The following MAN2C1 variants were observed in gnomAD, a reference collection of about 807,000 sequenced individuals.
The protein encoded by MAN2C1 is mannosidase alpha class 2C member 1.
MAN2C1 carries 111 observed loss-of-function variants against 126.9 expected under a neutral mutation model. The observed-to-expected ratio is 0.87, with a 90% CI of 0.75 to 1.02. The LOEUF (loss-of-function observed/expected upper bound fraction) is 1.02. MAN2C1 is among the 50% of genes least tolerant of loss of function. The probability of loss-of-function intolerance (pLI) is 0.00; values close to 1 mark genes in which losing one functional copy is unlikely to be tolerated. For missense variants in MAN2C1, 1,363 were observed against 1,364.4 expected (o/e 1.00, Z 0.02); for synonymous variants, 567 against 561.5 (o/e 1.01, Z -0.14).
rs377590568 is a variant in MAN2C1, at chr15:75,356,052, A to G, written c.2997-20T>C. On this transcript the variant is annotated intron_variant, in intron 25 of 25. Transcript: ENST00000267978. The surrounding 1 kb of genome is among the most constrained non-coding windows in gnomAD (Gnocchi z 5.8). ...TCGCAGCTGGAGAACAGGAGGGGCCATGAAGGCTCTGCGAGGGCGAGACTC... is the reference window on the plus strand; with the variant it reads ...TCGCAGCTGGAGAACAGGAGGGGCCGTGAAGGCTCTGCGAGGGCGAGACTC... 6.8e-6 allele frequency: 11 copies of G among 1,613,772 alleles called. No homozygotes were observed. Among genetic ancestry groups the G allele is most frequent in the Non-Finnish European group, 9.3e-6 (11 of 1,179,906 alleles).
Position 75,364,595 on chromosome 15 carries a change from G to C in MAN2C1, c.493C>G (p.Pro165Ala). ...AGCTGGAACATCTTCTCAGGGTCAGGGGCTGCAATCATGCTTCCCTTCCCG... is the reference window on the plus strand; with the variant it reads ...AGCTGGAACATCTTCTCAGGGTCAGCGGCTGCAATCATGCTTCCCTTCCCG... ...GAGKGSMIAA[P>A]DPEKMFQLSR... is the part of the protein sequence containing the mutation. The change falls in exon 5 of 26, where the codon CCT becomes GCT. Residue 165 changes from proline to alanine, a missense_variant. By Grantham distance (27) the Pro-to-Ala change is conservative. Around this residue, in one of 3 missense-constraint regions of MAN2C1, gnomAD observed 628 missense variants for 609.8 expected, o/e 1.03. Coordinates refer to ENST00000267978, the MANE Select transcript of MAN2C1 (RefSeq NM_006715.4). The C allele has an allele frequency of 6.2e-7, 1 of 1,613,578 alleles. No individual in the cohort carries two copies. Among genetic ancestry groups the C allele is most frequent in the Non-Finnish European group, 8.5e-7 (1 of 1,179,780 alleles).
chr15:75,358,512 G>A lies in MAN2C1; in HGVS notation c.2353C>T (p.Gln785Ter). Residue 785 changes from glutamine to a stop codon, truncating the protein, a stop_gained, in exon 20 of 26, where the codon CAG becomes TAG. Coordinates refer to ENST00000267978, the MANE Select transcript of MAN2C1 (RefSeq NM_006715.4). LOFTEE classifies it high-confidence loss of function. ...LQISPNSRLSQEVVLDVGCPY... is the reference protein window; with the variant it reads ...LQISPNSRLS ...CAGCCAACGTCCAGCACAACCTCCT[G>A]GCTAAGCCGACTGTTGGGGCTGATC... 1 of 1,613,512 alleles carries A rather than the reference G, an allele frequency of 6.2e-7. No homozygotes were observed.
chr15:75,356,238 G>A lies in MAN2C1; in HGVS notation c.2887-19C>T. On this transcript the variant is annotated intron_variant, in intron 24 of 25. Coordinates refer to ENST00000267978, the MANE Select transcript of MAN2C1 (RefSeq NM_006715.4). This position sits in a 1 kb window ranked among gnomAD's most constrained non-coding sequence, Gnocchi z 5.8. ...TCTCCGCCTGCAGAGGAACACGTCT[G>A]GTGGGAGGGGCCGAGGGCAGGCCCA... 1.2e-6 allele frequency: 2 copies of A among 1,612,782 alleles called. No individual in the cohort carries two copies. The highest frequency in any genetic ancestry group is 1.7e-6 in the Non-Finnish European group (2 of 1,179,670).
rs374209607 is a variant in MAN2C1, at chr15:75,358,379, G to C, written c.2404-35C>G. ...GGAAGGAGGGTGGGAGTCAGGGAAG[G>C]AAGAGACACACCAAGGCCTGGGGCT... On this transcript the variant is annotated intron_variant, in intron 20 of 25. Coordinates refer to ENST00000267978, the MANE Select transcript of MAN2C1 (RefSeq NM_006715.4). The C allele has an allele frequency of 9.3e-6, 15 of 1,613,860 alleles. No individual in the cohort carries two copies. In the African/African-American group the frequency reaches 2.0e-4, roughly 22 times the overall value.
At chr15:75,368,255 G>T in intron 1 of MAN2C1, 57 bp from the exon 2 acceptor site, 1 of 1,538,322 alleles carries the variant, frequency 6.5e-7, no homozygotes. Flanking sequence ...CCGCCTGGGG[G>T]CCAGCTGGCC....
At position 75,366,410 on chromosome 15, in the gene MAN2C1, G is replaced by A. The variant is rs971819975; in HGVS notation, c.422+112C>T. The stretch of plus-strand genomic sequence containing the variant: ...AAAGCAAACAATGAGATGTGAGGAT[G>A]ATTGTGCTAGAGCAGAGGCGGGCTT... On this transcript the variant is annotated intron_variant, in intron 4 of 25. Transcript: ENST00000267978. 11 of 819,858 alleles carry A rather than the reference G, an allele frequency of 1.3e-5. No individual in the cohort carries two copies. The African/African-American group carries it at 1.9e-4, about 14-fold the overall frequency. The allele number at this position is 819,858 out of a possible 1,614,324, so 50.8% of individuals were successfully genotyped here.
At position 75,359,892 on chromosome 15, in the gene MAN2C1, G is replaced by T. The variant is rs371044689; in HGVS notation, c.1792+11C>A. The stretch of plus-strand genomic sequence containing the variant: ...GTTGGAGAGAGCAGGCAGGACTATT[G>T]TGAGCCTAACCTTCATAATGGCACA... On this transcript the variant is annotated intron_variant, in intron 15 of 25. Coordinates refer to ENST00000267978, the MANE Select transcript of MAN2C1 (RefSeq NM_006715.4). 6 of 1,611,672 alleles carry T rather than the reference G, an allele frequency of 3.7e-6. No homozygotes were observed. The highest frequency in any genetic ancestry group is 1.6e-4 in the Middle Eastern group (1 of 6,080).
At chr15:75,358,905 A>G (rs2072404103) in intron 18 of MAN2C1, 97 bp from the exon 19 acceptor site, 1 of 1,358,064 alleles carries the variant, frequency 7.4e-7, no homozygotes, top group Non-Finnish European at 1.0e-6. Flanking sequence ...CCCAGTGGAC[A>G]GGGGACTACT....
At chr15:75,365,182 A>C (rs1253383223) in intron 4 of MAN2C1, among the ~76,000 whole-genome samples, 1 of 152,186 alleles carries the variant, frequency 6.6e-6, no homozygotes, top group African/African-American at 2.4e-5. Context: ...CAAATTCCTC[A>C]GTGGAGTACC....
chr15:75,359,238 C>T, intron 17 of MAN2C1, 85 bp from the exon 18 acceptor site: 1 of 1,590,920 alleles, frequency 6.3e-7, no homozygotes. Flanking sequence ...CCCCGCCTCA[C>T]CACTTGCTCC....
rs1013463970 is a variant in MAN2C1, at chr15:75,361,214, G to A, written c.1315-23C>T. Reference sequence around the variant, plus strand: ...CACCTAGACAGGTGAGGGCAGGCCAGCATGGATCAGCCTGGAACAAGCCAG... The same window carrying A: ...CACCTAGACAGGTGAGGGCAGGCCAACATGGATCAGCCTGGAACAAGCCAG... On this transcript the variant is annotated intron_variant, in intron 11 of 25. Transcript: ENST00000267978. The surrounding 1 kb of genome is among the most constrained non-coding windows in gnomAD (Gnocchi z 5.0). 1.2e-6 allele frequency: 2 copies of A among 1,606,940 alleles called. No homozygotes were observed. The highest frequency in any genetic ancestry group is 1.3e-5 in the African/African-American group (1 of 75,006).
At chr15:75,360,783 G>A (rs1334605338) in intron 12 of MAN2C1, 95 bp from the exon 13 acceptor site, 8 of 1,503,852 alleles carry the variant, frequency 5.3e-6, no homozygotes, top group Non-Finnish European at 7.2e-6. Context: ...CCTACAGAGA[G>A]GAGCCACTCC....
chr15:75,356,519 G>A lies in MAN2C1; in HGVS notation c.2738-70C>T. The A allele has an allele frequency of 6.4e-7, 1 of 1,556,994 alleles. No homozygotes were observed. The highest frequency in any genetic ancestry group is 8.7e-7 in the Non-Finnish European group (1 of 1,149,720). ...CCCTCCCCTGTCCCTAGAAGGGGCA[G>A]GAAGCCAGGTTGCTGGGGTTTGGGC... On this transcript the variant is annotated intron_variant, in intron 23 of 25. Coordinates refer to ENST00000267978, the MANE Select transcript of MAN2C1 (RefSeq NM_006715.4). This position sits in a 1 kb window ranked among gnomAD's most constrained non-coding sequence, Gnocchi z 5.8.
Position 75,358,293 on chromosome 15 carries a change from C to T in MAN2C1, c.2455G>A (p.Val819Met), listed in dbSNP as rs150703780. The T allele has an allele frequency of 1.7e-5, 27 of 1,614,010 alleles. No individual in the cohort carries two copies. The highest frequency in any genetic ancestry group is 2.0e-5 in the Non-Finnish European group (24 of 1,180,040). ...TCATAGGTGGCCTGGGAACTCCGCA[C>T]GCGAGCAGGGAACTCCACCTTCAGG... is the stretch of plus-strand genomic sequence containing the variant. ...KFLKVEFPAR[V>M]RSSQATYEIQ... The change falls in exon 21 of 26, where the codon GTG (valine) becomes ATG (methionine). Residue 819 changes from valine (V) to methionine (M), a missense_variant. Physicochemically the swap from Val to Met is conservative, Grantham distance 21 (BLOSUM62 1). This residue lies in a region of MAN2C1 where 668 missense variants were observed against 650.1 expected (regional missense o/e 1.03). Transcript: ENST00000267978.
chr15:75,360,139 G>T lies in MAN2C1; in HGVS notation c.1657C>A (p.Arg553Ser), dbSNP rs368392975. 1 of 1,613,706 alleles carries T rather than the reference G, an allele frequency of 6.2e-7. No homozygotes were observed. The highest frequency in any genetic ancestry group is 1.7e-5 in the Admixed American group (1 of 60,022). ...VELLSSLALA[R>S]SAQFLYPAAQ... is the part of the protein sequence containing the mutation. The stretch of plus-strand genomic sequence containing the variant: ...GCTGGGTATAGGAACTGGGCACTGC[G>T]GGCCAGGGCCAGGCTACTGAGCAGC... The change falls in exon 14 of 26, where the codon CGC (arginine) becomes AGC (serine). Residue 553 changes from arginine to serine, a missense_variant. Around this residue, in one of 3 missense-constraint regions of MAN2C1, gnomAD observed 668 missense variants for 650.1 expected, o/e 1.03. Coordinates refer to ENST00000267978, the MANE Select transcript of MAN2C1 (RefSeq NM_006715.4).
intron 2 of MAN2C1, 113 bp downstream of exon 2, chr15:75,367,960 T>C: frequency 4.4e-6 from 6 of 1,358,482 alleles, no homozygotes; most frequent in Non-Finnish European, 5.9e-6. Context: ...AGGGTGCTGC[T>C]CGATCCCACG....
In MAN2C1 at chr15:75,355,806, A is replaced by G; in HGVS notation, c.*100T>C. On this transcript the variant is annotated 3_prime_UTR_variant, in exon 26 of 26. Coordinates refer to ENST00000267978, the MANE Select transcript of MAN2C1 (RefSeq NM_006715.4). Reference sequence around the variant, plus strand: ...GAGCAGCAGGGTTCCCGATCCAAGGATTTATTCCACAAGAAAAGACTGATC... The same window carrying G: ...GAGCAGCAGGGTTCCCGATCCAAGGGTTTATTCCACAAGAAAAGACTGATC... The G allele has an allele frequency of 1.5e-6, 2 of 1,349,960 alleles. No homozygotes were observed. The highest frequency in any genetic ancestry group is 2.0e-6 in the Non-Finnish European group (2 of 997,468). 83.6% of individuals were successfully genotyped at this position (1,349,960 alleles called of 1,614,324 possible). A position where few individuals can be genotyped will look rare whatever the true frequency, so the allele number is the denominator to read the frequency against.
In MAN2C1 at chr15:75,356,531, G is replaced by A; in HGVS notation, c.2737+75C>T. The A allele has an allele frequency of 6.4e-7, 1 of 1,552,086 alleles. No homozygotes were observed. Among genetic ancestry groups the A allele is most frequent in the Non-Finnish European group, 8.7e-7 (1 of 1,146,478 alleles). On this transcript the variant is annotated intron_variant, in intron 23 of 25. Transcript: ENST00000267978. This position sits in a 1 kb window ranked among gnomAD's most constrained non-coding sequence, Gnocchi z 5.8. ...CCTAGAAGGGGCAGGAAGCCAGGTT[G>A]CTGGGGTTTGGGCTCAGGGAAGGGC...
In MAN2C1 at chr15:75,362,809, G is replaced by A. The variant is rs1342204391; in HGVS notation, c.791-61C>T. On this transcript the variant is annotated intron_variant, in intron 6 of 25. Transcript: ENST00000267978. The surrounding 1 kb of genome is among the most constrained non-coding windows in gnomAD (Gnocchi z 4.5). ...GCAAGGCTGACCAGGCCTGGGCTGGGACTCCAGAGGGTCACCTAGCCCCCC... is the reference window on the plus strand; with the variant it reads ...GCAAGGCTGACCAGGCCTGGGCTGGAACTCCAGAGGGTCACCTAGCCCCCC... 6 of 1,422,630 alleles carry A rather than the reference G, an allele frequency of 4.2e-6. No individual in the cohort carries two copies. In the African/African-American group the frequency reaches 7.0e-5, roughly 17 times the overall value. 88.1% of individuals were successfully genotyped at this position (1,422,630 alleles called of 1,614,324 possible). A position where few individuals can be genotyped will look rare whatever the true frequency, so the allele number is the denominator to read the frequency against.
Sources: gnomAD v4.1 joint callset for allele counts (sites outside exome capture counted in the v4.1 genomes callset) on GRCh38, gnomAD v4.1.1 for gene constraint, gnomAD v4.1.1 regional missense constraint, Gnocchi (gnomAD v3.1) non-coding constraint, MANE v1.5 for transcripts, NCBI Gene and HGNC (gene_info 2026-07-23, HGNC 2026-07-21) for gene names.